The following MAP4 variants were observed in gnomAD, a reference collection of about 807,000 sequenced individuals.
The protein encoded by MAP4 is microtubule associated protein 4, also known as microtubule-associated protein 4.
A neutral mutation model predicts 170.2 loss-of-function variants in MAP4; 76 were observed. That is an observed-to-expected ratio of 0.45 (90% CI 0.37 to 0.54). The LOEUF (loss-of-function observed/expected upper bound fraction) is 0.54. Ranked by LOEUF, MAP4 falls within the 20% of genes least tolerant of loss-of-function variation. MAP4 has a pLI of 0.00. For missense variants in MAP4, 2,506 were observed against 2,748.0 expected (o/e 0.91, Z 1.97); for synonymous variants, 909 against 994.5 (o/e 0.91, Z 1.62).
rs559596786 is a variant in MAP4 at position 47,889,234 on chromosome 3, A to G, written c.5435-11711T>C. Among the ~76,000 whole-genome samples, 4 of 152,380 alleles carry G rather than the reference A, an allele frequency of 2.6e-5. No homozygotes were observed. The East Asian group carries it at 7.7e-4, about 29-fold the overall frequency. Reference sequence around the variant, plus strand: ...GCCTGGCCACATTTCCTGTGACTGGATGCCCTGAGATTCCTCCATTGTTCT... The same window carrying G: ...GCCTGGCCACATTTCCTGTGACTGGGTGCCCTGAGATTCCTCCATTGTTCT... On this transcript the variant is annotated intron_variant, in intron 10 of 20. Transcript: ENST00000683076.
At chr3:48,058,610 A>C (rs1019082664) in intron 1 of MAP4, among the ~76,000 whole-genome samples, 1 of 152,196 alleles carries the variant, frequency 6.6e-6, no homozygotes, top group Non-Finnish European at 1.5e-5. Context: ...GGTAACAAGA[A>C]AGCATCTTAT....
At chr3:47,939,715 T>G (rs1291488327) in intron 3 of MAP4, among the ~76,000 whole-genome samples, 1 of 152,120 alleles carries the variant, frequency 6.6e-6, no homozygotes, top group African/African-American at 2.4e-5. Flanking sequence ...AATAGTTTTT[T>G]TTTTTTTTTT....
intron 3 of MAP4, among the ~76,000 whole-genome samples, chr3:47,934,366 G>C (rs1448133655): frequency 6.6e-6 from 1 of 152,186 alleles, no homozygotes. Context: ...CCAGTGACTT[G>C]ATCTCAGCTC....
chr3:48,081,883 A>C lies in MAP4; in HGVS notation c.-20+6890T>G, dbSNP rs145400841. On this transcript the variant is annotated intron_variant, in intron 1 of 18. Transcript: ENST00000360240. The stretch of plus-strand genomic sequence containing the variant: ...CCAGGACACCTTGGAGAAATGGCTG[A>C]TTTTAGGGTTGGGGCAGGTAAAGTA... 3.4e-3 allele frequency among the ~76,000 whole-genome samples: 522 copies of C among 152,288 alleles called. 3 individuals carry two copies. The highest frequency in any genetic ancestry group is 0.01 in the Middle Eastern group (3 of 294).
At chr3:47,856,413 T>G (rs1226738518) in intron 18 of MAP4, among the ~76,000 whole-genome samples, 2 of 152,186 alleles carry the variant, frequency 1.3e-5, no homozygotes, top group Non-Finnish European at 2.9e-5. Flanking sequence ...ATAGAACACA[T>G]TCTAAACTGG....
intron 3 of MAP4, among the ~76,000 whole-genome samples, chr3:47,935,709 G>A (rs2100052325): frequency 6.6e-6 from 1 of 151,846 alleles, no homozygotes; most frequent in Non-Finnish European, 1.5e-5. Flanking sequence ...GGCTGAGACG[G>A]GTGGATCACC....
At chr3:47,942,342 T>G (rs767789574) in intron 3 of MAP4, among the ~76,000 whole-genome samples, 1 of 152,222 alleles carries the variant, frequency 6.6e-6, no homozygotes. Context: ...TGTGGTATTT[T>G]CATTTACTAC....
chr3:47,925,657 A>G (rs1293905442), intron 4 of MAP4, among the ~76,000 whole-genome samples: 1 of 152,208 alleles, frequency 6.6e-6, no homozygotes, highest in Admixed American at 6.5e-5. Flanking sequence ...CCCTTTATAT[A>G]AAATGTCCAA....
At chr3:47,892,258 G>A (rs747859609) in intron 10 of MAP4, 1 of 1,536,328 alleles carries the variant, frequency 6.5e-7, no homozygotes, top group South Asian at 1.2e-5. Context: ...CCTCAAAAAA[G>A]CAGAGCTTGT....
intron 1 of MAP4, among the ~76,000 whole-genome samples, chr3:48,004,339 C>G (rs1190749445): frequency 6.6e-6 from 1 of 152,212 alleles, no homozygotes; most frequent in Non-Finnish European, 1.5e-5. Flanking sequence ...GCATTTGACA[C>G]TCCTGATTCA....
chr3:47,871,292 C>T lies in MAP4; in HGVS notation c.5942-6G>A, dbSNP rs183527842. 128 of 1,608,054 alleles carry T rather than the reference C, an allele frequency of 8.0e-5. No homozygotes were observed. The African/African-American group carries it at 1.7e-3, about 21-fold the overall frequency. On this transcript the variant is annotated splice_region_variant and splice_polypyrimidine_tract_variant and intron_variant, in intron 13 of 20. Coordinates refer to ENST00000683076, the MANE Select transcript of MAP4 (RefSeq NM_001385682.1). ...TTTTCCCTCAGTCTTAATGGCTGTA[C>T]AAAATATACTTATTAATATAACATT...
intron 13 of MAP4, 43 bp downstream of exon 13, chr3:47,871,874 T>C (rs1160406693): frequency 6.4e-7 from 1 of 1,556,982 alleles, no homozygotes; most frequent in Admixed American, 1.8e-5. Flanking sequence ...AAGATCCCAT[T>C]TTCCCCTCCC....
intron 1 of MAP4, among the ~76,000 whole-genome samples, chr3:48,073,092 C>T (rs1283321231): frequency 6.6e-6 from 1 of 151,988 alleles, no homozygotes; most frequent in African/African-American, 2.4e-5. Context: ...TGCCCGTAAT[C>T]CCACCTACTC....
At chr3:48,044,236 G>C (rs191059258) in intron 1 of MAP4, among the ~76,000 whole-genome samples, 148 of 148,252 alleles carry the variant, frequency 1.0e-3, no homozygotes, top group Middle Eastern at 7.1e-3. Context: ...TTCACTGTAA[G>C]CTCCACCTCC....
intron 1 of MAP4, among the ~76,000 whole-genome samples, chr3:48,000,221 CAAAAAAAAAAAAA>C (rs530513032): frequency 1.5e-4 from 12 of 79,904 alleles, no homozygotes; most frequent in South Asian, 4.9e-4. Context: ...ACTCCCCCAT[CAAAAAAAAAAAAA>C]AAAAAAAAAA....
At chr3:47,951,355 CG>C (rs771778918) in intron 3 of MAP4, among the ~76,000 whole-genome samples, 44 of 151,936 alleles carry the variant, frequency 2.9e-4, no homozygotes, top group Non-Finnish European at 5.3e-4. Flanking sequence ...CCTCTCCCCA[CG>C]GTCTCCCTCT....
intron 1 of MAP4, among the ~76,000 whole-genome samples, chr3:48,066,541 T>A (rs984998965): frequency 6.6e-6 from 1 of 152,144 alleles, no homozygotes; most frequent in Admixed American, 6.5e-5. Context: ...CCTCCCAGGC[T>A]GGAGTGCAGA....
intron 2 of MAP4, among the ~76,000 whole-genome samples, chr3:47,994,948 CAAA>C (rs765432631): frequency 3.6e-5 from 3 of 84,392 alleles, no homozygotes; most frequent in Non-Finnish European, 2.6e-5. Context: ...GACTCCATCT[CAAA>C]AAAAAAAAAA....
At chr3:48,045,928 CAATATCACAG>C (rs2100124314) in intron 1 of MAP4, among the ~76,000 whole-genome samples, 1 of 150,282 alleles carries the variant, frequency 6.7e-6, no homozygotes, top group Non-Finnish European at 1.5e-5. Flanking sequence ...TTTCATATTT[CAATATCACAG>C]AATACCTTCG....
Sources: allele counts gnomAD v4.1 joint callset (sites outside exome capture counted in the v4.1 genomes callset), GRCh38; gene constraint gnomAD v4.1.1; transcripts MANE v1.5; gene names NCBI Gene and HGNC (gene_info 2026-07-23, HGNC 2026-07-21).